The following FSTL5 variants were observed in gnomAD, a reference collection of about 807,000 sequenced individuals.
FSTL5 encodes follistatin-related protein 5.
Under a neutral mutation model 89.1 loss-of-function variants are expected in FSTL5, and 62 were observed. The ratio of observed to expected loss-of-function variants is 0.70; its 90% CI spans 0.57 to 0.86. The LOEUF (loss-of-function observed/expected upper bound fraction) is 0.86, where lower values mean the gene tolerates loss of function less well. Ranked by LOEUF, FSTL5 falls within the 40% of genes least tolerant of loss-of-function variation. FSTL5 has a pLI of 0.00. For missense variants in FSTL5, 1,057 were observed against 1,001.6 expected, an observed-to-expected ratio of 1.06 and a Z score of -0.75; for synonymous variants, 383 against 346.2, an observed-to-expected ratio of 1.11 and a Z score of -1.18.
intron 15 of FSTL5, among the ~76,000 whole-genome samples, chr4:161,431,853 A>G (rs1041293106): frequency 2.6e-5 from 4 of 152,122 alleles, no homozygotes; most frequent in Non-Finnish European, 4.4e-5. Context: ...CAAAGCAAAA[A>G]CTATAAAAGG....
chr4:161,455,245 C>T, intron 14 of FSTL5, 117 bp from the exon 15 acceptor site: 1 of 678,698 alleles, frequency 1.5e-6, no homozygotes, highest in Non-Finnish European at 2.2e-6. Context: ...AGACTTTATG[C>T]CATCCTCAAA....
chr4:161,852,789 G>A (rs1289218333), intron 4 of FSTL5, among the ~76,000 whole-genome samples: 1 of 152,094 alleles, frequency 6.6e-6, no homozygotes, highest in African/African-American at 2.4e-5. Context: ...CCATAAAAAG[G>A]AATGAGATCA....
chr4:161,568,313 G>T (rs1364517189), intron 8 of FSTL5, among the ~76,000 whole-genome samples: 1 of 152,068 alleles, frequency 6.6e-6, no homozygotes, highest in African/African-American at 2.4e-5. Context: ...CTTTGAGAAC[G>T]CTCTAGAAAC....
intron 8 of FSTL5, among the ~76,000 whole-genome samples, chr4:161,552,194 C>T (rs1732240739): frequency 6.6e-6 from 1 of 151,822 alleles, no homozygotes; most frequent in Non-Finnish European, 1.5e-5. Flanking sequence ...ACTAATCTGA[C>T]TAATCTCTAA....
At chr4:161,390,584 T>C (rs972973390) in intron 15 of FSTL5, among the ~76,000 whole-genome samples, 4 of 152,200 alleles carry the variant, frequency 2.6e-5, no homozygotes, top group African/African-American at 9.6e-5. Context: ...CCTTGTCACC[T>C]GAGCACTTGC....
At position 161,868,305 on chromosome 4, in the gene FSTL5, T is replaced by A. The variant is rs1732155931; in HGVS notation, c.409+52099A>T. 2.0e-5 allele frequency among the ~76,000 whole-genome samples: 3 copies of A among 152,308 alleles called. No homozygotes were observed. In the South Asian group the frequency reaches 6.2e-4, roughly 32 times the overall value. On this transcript the variant is annotated intron_variant, in intron 4 of 15. Coordinates refer to ENST00000306100, the MANE Select transcript of FSTL5 (RefSeq NM_020116.5). The stretch of plus-strand genomic sequence containing the variant: ...TTATTTTTTCCTGGCTTTCTATTTA[T>A]CAGTATTGTACTAATCAAATAGCCA...
At chr4:161,471,349 AT>A (rs2126434435) in intron 13 of FSTL5, among the ~76,000 whole-genome samples, 1 of 152,278 alleles carries the variant, frequency 6.6e-6, no homozygotes, top group Non-Finnish European at 1.5e-5. Context: ...AAGTCTGTTT[AT>A]TACAATGATC....
At chr4:161,406,607 T>A (rs1444322369) in intron 15 of FSTL5, among the ~76,000 whole-genome samples, 1 of 152,180 alleles carries the variant, frequency 6.6e-6, no homozygotes, top group Non-Finnish European at 1.5e-5. Context: ...TTATCAAAAA[T>A]AAGAGTATTG....
chr4:161,387,796 T>C (rs2110866158), intron 15 of FSTL5: 1 of 152,148 alleles, frequency 6.6e-6, no homozygotes, highest in African/African-American at 2.4e-5. Flanking sequence ...TTACATTAAA[T>C]ATAGTTGACA....
At chr4:161,885,010 C>A (rs1732761546) in intron 4 of FSTL5, among the ~76,000 whole-genome samples, 1 of 151,664 alleles carries the variant, frequency 6.6e-6, no homozygotes, top group Non-Finnish European at 1.5e-5. Flanking sequence ...GTTTAAATCA[C>A]CATTAGGGAG....
chr4:162,102,333 TTA>T (rs1731027814), intron 2 of FSTL5, among the ~76,000 whole-genome samples: 1 of 151,742 alleles, frequency 6.6e-6, no homozygotes, highest in Non-Finnish European at 1.5e-5. Context: ...ATTGAAACAA[TTA>T]TATATATAAA....
intron 8 of FSTL5, among the ~76,000 whole-genome samples, chr4:161,576,059 C>G (rs1733197612): frequency 6.6e-6 from 1 of 152,084 alleles, no homozygotes; most frequent in South Asian, 2.1e-4. Flanking sequence ...TGAGTGAAAT[C>G]CCATTCACAA....
rs35261391 is a variant in FSTL5 at position 161,601,329 on chromosome 4, G to GAAAAAAAAAAAAAAAAAAAAAAAA, written c.895-13755_895-13754insTTTTTTTTTTTTTTTTTTTTTTTT. Among the ~76,000 whole-genome samples, 2 of 107,566 alleles carry GAAAAAAAAAAAAAAAAAAAAAAAA rather than the reference G, an allele frequency of 1.9e-5. 1 individual carries two copies. The highest frequency in any genetic ancestry group is 3.7e-5 in the Non-Finnish European group (2 of 54,450). The allele number at this position is 107,566 out of a possible 152,430, so 70.6% of individuals were successfully genotyped here. A position where few individuals can be genotyped will look rare whatever the true frequency, so the allele number is the denominator to read the frequency against. On this transcript the variant is annotated intron_variant, in intron 7 of 15. Transcript: ENST00000306100. ...AGTGACACAAAGTCTTAAATAGTTG[G>GAAAAAAAAAAAAAAAAAAAAAAAA]AAAAAAAAAAAAAAAAAAAAAGGCA...
chr4:161,539,146 TTTTC>T (rs1731734723), intron 9 of FSTL5, among the ~76,000 whole-genome samples: 1 of 151,864 alleles, frequency 6.6e-6, no homozygotes, highest in African/African-American at 2.4e-5. Flanking sequence ...TTTCCTTTTG[TTTTC>T]TTTCTGTGTG....
intron 1 of FSTL5, among the ~76,000 whole-genome samples, chr4:162,120,430 T>A (rs17538535): frequency 0.14 from 20,705 of 152,044 alleles, 1,953 homozygotes; most frequent in Non-Finnish European, 0.19. Flanking sequence ...CAAAAACACA[T>A]TTTAAAGCAA....
At chr4:161,600,723 T>C (rs959964952) in intron 7 of FSTL5, among the ~76,000 whole-genome samples, 3 of 152,140 alleles carry the variant, frequency 2.0e-5, no homozygotes, top group Non-Finnish European at 4.4e-5. Context: ...ATCAAAAATA[T>C]TCATAATCGA....
chr4:162,066,594 C>T (rs1192414288), intron 2 of FSTL5, among the ~76,000 whole-genome samples: 2 of 146,974 alleles, frequency 1.4e-5, no homozygotes, highest in Non-Finnish European at 3.0e-5. Context: ...CCCCCCCACC[C>T]CCTGACAGGC....
intron 4 of FSTL5, among the ~76,000 whole-genome samples, chr4:161,872,128 GTT>G (rs1398252509): frequency 0.096 from 6,160 of 64,128 alleles, 576 homozygotes; most frequent in African/African-American, 0.24. Flanking sequence ...TTTGTAGTTT[GTT>G]TTTTTTTTTG....
chr4:161,443,863 G>C (rs973786912), intron 15 of FSTL5, among the ~76,000 whole-genome samples: 2 of 151,880 alleles, frequency 1.3e-5, no homozygotes, highest in Admixed American at 6.6e-5. Context: ...TTCTTGGCTG[G>C]ACCATAAGAT....
Sources: gnomAD v4.1 joint callset for allele counts (sites outside exome capture counted in the v4.1 genomes callset) on GRCh38, gnomAD v4.1.1 for gene constraint, MANE v1.5 for transcripts, NCBI Gene and HGNC (gene_info 2026-07-23, HGNC 2026-07-21) for gene names.